Variants in RANBP2 observed in about 807,000 individuals in gnomAD.
RANBP2 encodes E3 SUMO-protein ligase RanBP2.
Under a neutral mutation model 303.6 loss-of-function variants are expected in RANBP2, and 57 were observed. The observed-to-expected ratio is 0.19, with a 90% CI of 0.15 to 0.23. The LOEUF (loss-of-function observed/expected upper bound fraction) is 0.23, where lower values mean the gene tolerates loss of function less well. Ranked by LOEUF, RANBP2 falls within the 10% of genes least tolerant of loss-of-function variation. The probability of loss-of-function intolerance (pLI) is 1.00; values close to 1 mark genes in which losing one functional copy is unlikely to be tolerated. For missense variants in RANBP2, 3,138 were observed against 3,780.8 expected (o/e 0.83, Z 4.46); for synonymous variants, 1,167 against 1,301.5 (o/e 0.90, Z 2.23).
the RANBP2 span, among the ~76,000 whole-genome samples, chr2:109,558,221 T>C: frequency 6.6e-6 from 1 of 152,208 alleles, no homozygotes; most frequent in Non-Finnish European, 1.5e-5. Context: ...TTTCCTTCAA[T>C]TGGGACATGT....
chr2:109,490,644 G>A, the RANBP2 span: 1 of 1,497,228 alleles, frequency 6.7e-7, no homozygotes, highest in Non-Finnish European at 8.9e-7. Context: ...TCTAGCCGGA[G>A]CATCCACCAA....
chr2:109,530,656 G>T, the RANBP2 span, among the ~76,000 whole-genome samples: 1 of 152,078 alleles, frequency 6.6e-6, no homozygotes, highest in Non-Finnish European at 1.5e-5. Flanking sequence ...GCTGTCTCTG[G>T]GTGTACCTTT....
At chr2:109,129,524 C>G in the RANBP2 span, 1 of 1,496,760 alleles carries the variant, frequency 6.7e-7, no homozygotes. Flanking sequence ...CGCGAGACCG[C>G]TGCGGGCGCC....
At chr2:109,565,355 T>G in the RANBP2 span, among the ~76,000 whole-genome samples, 1 of 152,176 alleles carries the variant, frequency 6.6e-6, no homozygotes, top group Non-Finnish European at 1.5e-5. Context: ...TCAAGTAGAT[T>G]TAACTTTTTA....
chr2:108,989,869 C>A, the RANBP2 span, among the ~76,000 whole-genome samples: 1 of 152,104 alleles, frequency 6.6e-6, no homozygotes, highest in African/African-American at 2.4e-5. Flanking sequence ...TTTTCTCCCT[C>A]ATTCACACCT....
At chr2:108,891,177 G>T in the RANBP2 span, among the ~76,000 whole-genome samples, 1 of 152,028 alleles carries the variant, frequency 6.6e-6, no homozygotes, top group East Asian at 1.9e-4. Context: ...ATTTATTTTT[G>T]ATTAAGATCT....
chr2:109,616,018 A>G, the RANBP2 span: 2 of 1,525,526 alleles, frequency 1.3e-6, no homozygotes, highest in East Asian at 4.5e-5. Flanking sequence ...CGACCTGTTA[A>G]AGGCCACTCG....
the RANBP2 span, among the ~76,000 whole-genome samples, chr2:109,104,684 C>T: frequency 6.6e-6 from 1 of 152,066 alleles, no homozygotes; most frequent in African/African-American, 2.4e-5. Flanking sequence ...GGGGTTTCAC[C>T]TTGTTAGCCA....
chr2:109,508,005 G>A, the RANBP2 span, among the ~76,000 whole-genome samples: 1 of 151,466 alleles, frequency 6.6e-6, no homozygotes, highest in Non-Finnish European at 1.5e-5. Flanking sequence ...TTCAGGCATA[G>A]CTGGGTCCAG....
the RANBP2 span, among the ~76,000 whole-genome samples, chr2:109,562,933 T>C: frequency 6.6e-6 from 1 of 151,562 alleles, no homozygotes; most frequent in African/African-American, 2.4e-5. Context: ...TTCTTTGAGA[T>C]GGAGTCTCGC....
chr2:108,959,416 C>G, the RANBP2 span, among the ~76,000 whole-genome samples: 443 of 152,334 alleles, frequency 2.9e-3, 6 homozygotes, highest in African/African-American at 0.01. Flanking sequence ...TGGGCTGTGA[C>G]TTGGGGTTCT....
At chr2:109,076,646 A>G in the RANBP2 span, among the ~76,000 whole-genome samples, 1 of 150,714 alleles carries the variant, frequency 6.6e-6, no homozygotes, top group Admixed American at 6.6e-5. Flanking sequence ...AATCTCATTT[A>G]CAATAGCATA....
intron 18 of RANBP2, among the ~76,000 whole-genome samples, chr2:108,760,606 G>A (rs1676660901): frequency 6.6e-6 from 1 of 151,994 alleles, no homozygotes; most frequent in South Asian, 2.1e-4. Flanking sequence ...AAAATCCTTT[G>A]CCAATTTGTA....
At position 108,766,242 on chromosome 2, in the gene RANBP2, C is replaced by T. The variant is rs1216627078; in HGVS notation, c.5703C>T (p.Gly1901=). The change falls in exon 20 of 29, where the codon GGC becomes GGT. Residue 1901 remains glycine, a synonymous_variant. Transcript: ENST00000283195. ...TGTCTGCTGATGGATTTAAATTTGG[C>T]ATTTCGGAACCAGGAAATCAAGAAA... ...IPVSADGFKF[G]ISEPGNQEKK... is the part of the protein sequence containing the mutation. 6 of 1,611,992 alleles carry T rather than the reference C, an allele frequency of 3.7e-6. No homozygotes were observed. The highest frequency in any genetic ancestry group is 5.1e-6 in the Non-Finnish European group (6 of 1,180,002).
At chr2:109,318,469 G>A in the RANBP2 span, among the ~76,000 whole-genome samples, 5 of 152,184 alleles carry the variant, frequency 3.3e-5, no homozygotes, top group East Asian at 1.9e-4. Flanking sequence ...CTCGGCATAC[G>A]CGTTTATCTG....
At chr2:108,950,912 G>A in the RANBP2 span, among the ~76,000 whole-genome samples, 1 of 152,246 alleles carries the variant, frequency 6.6e-6, no homozygotes, top group Non-Finnish European at 1.5e-5. Flanking sequence ...AGGAAGGGGT[G>A]TGACCTTGCA....
At chr2:109,271,911 C>T in the RANBP2 span, among the ~76,000 whole-genome samples, 2 of 152,244 alleles carry the variant, frequency 1.3e-5, no homozygotes, top group Non-Finnish European at 2.9e-5. Flanking sequence ...CCGCTACGCA[C>T]ACACACTCAC....
At chr2:109,046,675 G>A in the RANBP2 span, among the ~76,000 whole-genome samples, 14 of 151,992 alleles carry the variant, frequency 9.2e-5, no homozygotes, top group African/African-American at 2.2e-4. Flanking sequence ...CCACCTGCCC[G>A]GTCATGTATA....
At chr2:108,871,025 T>C in the RANBP2 span, among the ~76,000 whole-genome samples, 6 of 152,030 alleles carry the variant, frequency 3.9e-5, no homozygotes, top group Non-Finnish European at 8.8e-5. Context: ...CTCAAAAAAT[T>C]GAAATGAACC....
Sources: gnomAD v4.1 joint callset for allele counts (sites outside exome capture counted in the v4.1 genomes callset) on GRCh38, gnomAD v4.1.1 for gene constraint, MANE v1.5 for transcripts, NCBI Gene and HGNC (gene_info 2026-07-23, HGNC 2026-07-21) for gene names.